The following CDH23 variants were observed in gnomAD, a reference collection of about 807,000 sequenced individuals.
CDH23 encodes cadherin-23.
A neutral mutation model predicts 317.1 loss-of-function variants in CDH23; 189 were observed. That is an observed-to-expected ratio of 0.60 (90% CI 0.53 to 0.67). CDH23 has a LOEUF of 0.67. Ranked by LOEUF, CDH23 falls within the 30% of genes least tolerant of loss-of-function variation. The probability of loss-of-function intolerance (pLI) is 0.00; values close to 1 mark genes in which losing one functional copy is unlikely to be tolerated. For missense variants in CDH23, 4,401 were observed against 4,592.4 expected (o/e 0.96, Z 1.20); for synonymous variants, 1,839 against 1,876.8 (o/e 0.98, Z 0.52).
intron 1 of CDH23, among the ~76,000 whole-genome samples, chr10:71,418,215 G>T (rs377568322): frequency 6.6e-6 from 1 of 151,934 alleles, no homozygotes; most frequent in African/African-American, 2.4e-5. Flanking sequence ...TTATGATATA[G>T]CTAGTAATGT....
intron 7 of CDH23, among the ~76,000 whole-genome samples, chr10:71,570,447 CG>C (rs1338378506): frequency 6.6e-6 from 1 of 152,174 alleles, no homozygotes; most frequent in Non-Finnish European, 1.5e-5. Context: ...ATCCCACCAC[CG>C]GATGTCCAAG....
At chr10:71,536,407 C>G (rs1042878469) in intron 6 of CDH23, among the ~76,000 whole-genome samples, 1 of 152,072 alleles carries the variant, frequency 6.6e-6, no homozygotes, top group Admixed American at 6.6e-5. Context: ...GGGTGGGCTG[C>G]GAACAGTGGA....
chr10:71,469,139 T>C (rs942263925), intron 3 of CDH23, among the ~76,000 whole-genome samples: 1 of 152,266 alleles, frequency 6.6e-6, no homozygotes, highest in Non-Finnish European at 1.5e-5. Flanking sequence ...TCTATAGTGT[T>C]ATTGAAGTGT....
Position 71,646,465 on chromosome 10 carries a change from G to A in CDH23, c.1297G>A (p.Ala433Thr), listed in dbSNP as rs1862864574. The A allele has an allele frequency of 3.1e-6, 5 of 1,613,562 alleles. No homozygotes were observed. The highest frequency in any genetic ancestry group is 3.4e-6 in the Non-Finnish European group (4 of 1,179,752). The stretch of plus-strand genomic sequence containing the variant: ...CCCTGTTCTGCACCCCCAGCTCTTT[G>A]CCAATGAGAGTGTGCCTGACCATGT... ...TVDRYDFDLF[A>T]NESVPDHVGY... Residue 433 changes from alanine (A) to threonine (T), a missense_variant, in exon 14 of 70, where the codon GCC becomes ACC. Coordinates refer to ENST00000224721, the MANE Select transcript of CDH23 (RefSeq NM_022124.6).
At chr10:71,509,461 C>T (rs1334453050) in intron 3 of CDH23, among the ~76,000 whole-genome samples, 1 of 152,216 alleles carries the variant, frequency 6.6e-6, no homozygotes, top group Non-Finnish European at 1.5e-5. Context: ...TCTCTCCATA[C>T]ATCATTTGCC....
At chr10:71,601,961 AGG>A (rs35774888) in intron 9 of CDH23, among the ~76,000 whole-genome samples, 18 of 139,978 alleles carry the variant, frequency 1.3e-4, no homozygotes, top group African/African-American at 3.7e-4. Context: ...TGGGCGGCGG[AGG>A]GGGGGGGGCT....
At chr10:71,658,074 C>T (rs1435092812) in intron 14 of CDH23, among the ~76,000 whole-genome samples, 1 of 152,194 alleles carries the variant, frequency 6.6e-6, no homozygotes, top group Non-Finnish European at 1.5e-5. Flanking sequence ...TGTTCATCTC[C>T]CTCAGAGGGG....
intron 3 of CDH23, among the ~76,000 whole-genome samples, chr10:71,502,515 A>C (rs1853394287): frequency 6.6e-6 from 1 of 152,214 alleles, no homozygotes; most frequent in Non-Finnish European, 1.5e-5. Context: ...CGTGTCCCAG[A>C]ATATCAACTT....
chr10:71,646,701 C>T (rs1862899394), intron 14 of CDH23, 84 bp downstream of exon 14: 1 of 1,612,934 alleles, frequency 6.2e-7, no homozygotes, highest in Non-Finnish European at 8.5e-7. Flanking sequence ...GTCCAAGGGA[C>T]CTCAGCAATC....
chr10:71,445,898 T>A (rs906959946), intron 2 of CDH23, among the ~76,000 whole-genome samples: 4 of 150,858 alleles, frequency 2.7e-5, no homozygotes, highest in Middle Eastern at 3.2e-3. Context: ...ACAGGTGACA[T>A]TCATTTTAAT....
intron 41 of CDH23, among the ~76,000 whole-genome samples, chr10:71,782,140 C>T (rs1463390108): frequency 6.6e-6 from 1 of 152,222 alleles, no homozygotes; most frequent in East Asian, 1.9e-4. Context: ...ACCAGCCCCA[C>T]TGAGCCCTTA....
intron 6 of CDH23, among the ~76,000 whole-genome samples, chr10:71,532,776 C>A (rs66775954): frequency 7.1e-6 from 1 of 141,160 alleles, no homozygotes; most frequent in Non-Finnish European, 1.5e-5. Flanking sequence ...GTCATCCAGG[C>A]TGGAGTGCAG....
At chr10:71,408,755 C>T (rs1475599023) in intron 1 of CDH23, among the ~76,000 whole-genome samples, 1 of 152,216 alleles carries the variant, frequency 6.6e-6, no homozygotes, top group Admixed American at 6.5e-5. Context: ...GTGTGTTTCA[C>T]AGCTTCCTTG....
intron 9 of CDH23, among the ~76,000 whole-genome samples, chr10:71,598,396 C>T (rs1859998968): frequency 1.3e-5 from 2 of 152,238 alleles, no homozygotes; most frequent in Admixed American, 1.3e-4. Context: ...TGCAAACACC[C>T]CAAGTGACGC....
chr10:71,507,925 C>T (rs912432781), intron 3 of CDH23, among the ~76,000 whole-genome samples: 4 of 152,234 alleles, frequency 2.6e-5, no homozygotes, highest in Non-Finnish European at 5.9e-5. Context: ...CACCATTGTG[C>T]TTTGGGCAAC....
In CDH23 at chr10:71,810,568, C is replaced by G; in HGVS notation, c.9076C>G (p.Arg3026Gly). The change falls in exon 62 of 70, where the codon CGG becomes GGG. Residue 3026 changes from arginine (R) to glycine (G), a missense_variant and splice_region_variant. Coordinates refer to ENST00000224721, the MANE Select transcript of CDH23 (RefSeq NM_022124.6). The part of the protein sequence containing the change: ...RDTNRILDVD[R>G]VIQMIDENKE... ...TACCAACCGCATCCTGGACGTGGAC[C>G]GGTGAGTCGGGGCCTGTGTTTGGAC... is the stretch of plus-strand genomic sequence containing the variant. The G allele has an allele frequency of 6.2e-7, 1 of 1,613,728 alleles. No individual in the cohort carries two copies. The highest frequency in any genetic ancestry group is 8.5e-7 in the Non-Finnish European group (1 of 1,179,706).
intron 3 of CDH23, among the ~76,000 whole-genome samples, chr10:71,448,946 G>C (rs118016612): frequency 0.049 from 7,501 of 152,288 alleles, 264 homozygotes; most frequent in South Asian, 0.13. Context: ...CCTGCCATGG[G>C]GAGTGGGGTG....
At chr10:71,786,431 C>A (rs1178952058) in intron 44 of CDH23, among the ~76,000 whole-genome samples, 2 of 151,238 alleles carry the variant, frequency 1.3e-5, no homozygotes, top group South Asian at 2.1e-4. Context: ...AGACGTCAGG[C>A]TGGAGAAACT....
At chr10:71,652,708 G>A (rs187522207) in intron 14 of CDH23, among the ~76,000 whole-genome samples, 115 of 152,292 alleles carry the variant, frequency 7.6e-4, no homozygotes, top group Non-Finnish European at 1.4e-3. Flanking sequence ...AGGAACACAC[G>A]CTGGAAATGT....
Sources: allele counts gnomAD v4.1 joint callset (sites outside exome capture counted in the v4.1 genomes callset), GRCh38; gene constraint gnomAD v4.1.1; transcripts MANE v1.5; gene names NCBI Gene and HGNC (gene_info 2026-07-23, HGNC 2026-07-21).